SEC24D: variants seen among roughly 807,000 people sequenced by gnomAD.
SEC24D encodes the protein protein transport protein Sec24D.
Under a neutral mutation model 116.9 loss-of-function variants are expected in SEC24D, and 69 were observed. The observed-to-expected ratio is 0.59, with a 90% CI of 0.49 to 0.72. SEC24D has a LOEUF of 0.72. Among genes scored for constraint, SEC24D ranks in the 30% least tolerant of loss-of-function variants. The pLI is 0.00. For missense variants in SEC24D, 1,131 were observed against 1,264.1 expected (o/e 0.89, Z 1.60); for synonymous variants, 405 against 442.8 (o/e 0.91, Z 1.07).
intron 6 of SEC24D, among the ~76,000 whole-genome samples, chr4:118,809,102 T>A (rs1409434782): frequency 6.6e-6 from 1 of 151,982 alleles, no homozygotes; most frequent in Non-Finnish European, 1.5e-5. Flanking sequence ...GCCTCCCGAG[T>A]AGCTGGGACT....
intron 6 of SEC24D, among the ~76,000 whole-genome samples, chr4:118,812,609 C>CGGA (rs138616928): frequency 0.044 from 6,626 of 152,122 alleles, 195 homozygotes; most frequent in Non-Finnish European, 0.063. Flanking sequence ...CCGGGGCAGT[C>CGGA]GGAGACCCAG....
intron 11 of SEC24D, 137 bp from the exon 12 acceptor site, chr4:118,753,025 C>G (rs1016767970): frequency 3.2e-6 from 2 of 622,812 alleles, no homozygotes; most frequent in Admixed American, 3.8e-5. Context: ...CTTTCTGTTA[C>G]CAAGTGTAAA....
intron 13 of SEC24D, among the ~76,000 whole-genome samples, chr4:118,750,934 A>G (rs1025678662): frequency 9.2e-5 from 14 of 152,110 alleles, no homozygotes; most frequent in Non-Finnish European, 1.9e-4. Context: ...CCAAGCAAGA[A>G]TCACTGTCTT....
chr4:118,783,079 C>T (rs1379973537), intron 8 of SEC24D, among the ~76,000 whole-genome samples: 1 of 152,232 alleles, frequency 6.6e-6, no homozygotes, highest in Non-Finnish European at 1.5e-5. Context: ...CGACGCCCCG[C>T]CCTGCTTTGG....
At chr4:118,781,126 C>T (rs1218263221) in intron 8 of SEC24D, among the ~76,000 whole-genome samples, 2 of 151,924 alleles carry the variant, frequency 1.3e-5, no homozygotes, top group African/African-American at 2.4e-5. Flanking sequence ...TTCATCCTGA[C>T]GTTATGATGT....
At chr4:118,829,712 T>C (rs1366371068) in intron 2 of SEC24D, among the ~76,000 whole-genome samples, 1 of 151,882 alleles carries the variant, frequency 6.6e-6, no homozygotes, top group Non-Finnish European at 1.5e-5. Context: ...CTCAGGAGGC[T>C]GAGGCAGGAA....
chr4:118,817,996 C>G (rs1730224467), intron 3 of SEC24D, among the ~76,000 whole-genome samples: 1 of 151,658 alleles, frequency 6.6e-6, no homozygotes, highest in Admixed American at 6.6e-5. Flanking sequence ...GAGACTGCAC[C>G]ACTGCACTCT....
intron 8 of SEC24D, among the ~76,000 whole-genome samples, chr4:118,784,469 A>C (rs977883079): frequency 1.3e-5 from 2 of 152,200 alleles, no homozygotes; most frequent in Non-Finnish European, 2.9e-5. Flanking sequence ...AGTAAACCCC[A>C]AAAAACTTAA....
intron 7 of SEC24D, among the ~76,000 whole-genome samples, chr4:118,800,194 A>C (rs1311573869): frequency 6.6e-6 from 1 of 152,178 alleles, no homozygotes; most frequent in African/African-American, 2.4e-5. Context: ...AAAGCAGCTA[A>C]AAGAAAGATG....
chr4:118,793,291 C>T (rs931801076), intron 8 of SEC24D, among the ~76,000 whole-genome samples: 52 of 151,568 alleles, frequency 3.4e-4, no homozygotes, highest in African/African-American at 1.3e-3. Context: ...AACGGTGAAA[C>T]CCCGTCTCTA....
intron 3 of SEC24D, among the ~76,000 whole-genome samples, chr4:118,822,792 C>A (rs141041093): frequency 3.6e-4 from 54 of 151,828 alleles, no homozygotes; most frequent in African/African-American, 1.3e-3. Context: ...CAGGCTGTCT[C>A]GAACTCCTGG....
Position 118,739,201 on chromosome 4 carries a change from A to T in SEC24D, c.2325T>A (p.Asp775Glu), listed in dbSNP as rs1726112402. ...LGLNCSSQLA[D>E]LYKSCETDAL... ...CATCTGTCTCACAGCTCTTATAAAG[A>T]TCAGCTAGCTGAGAGCTGCAGTTTA... The change falls in exon 18 of 23, where the codon GAT becomes GAA. Residue 775 changes from aspartate to glutamate, a missense_variant. By Grantham distance (45) the Asp-to-Glu change is conservative. Transcript: ENST00000280551. 2.5e-6 allele frequency: 4 copies of T among 1,613,668 alleles called. No individual in the cohort carries two copies. Among genetic ancestry groups the T allele is most frequent in the Non-Finnish European group, 3.4e-6 (4 of 1,179,640 alleles).
chr4:118,777,703 T>C (rs1270933490), intron 8 of SEC24D, among the ~76,000 whole-genome samples: 3 of 152,232 alleles, frequency 2.0e-5, no homozygotes, highest in African/African-American at 4.8e-5. Flanking sequence ...TCCACAATGG[T>C]TGAACTAGTT....
intron 22 of SEC24D, among the ~76,000 whole-genome samples, chr4:118,724,454 A>T (rs1476077347): frequency 1.3e-5 from 2 of 152,222 alleles, no homozygotes; most frequent in Non-Finnish European, 2.9e-5. Context: ...CTAGAAAAAA[A>T]TAGATTTCTA....
At chr4:118,725,604 C>T (rs541948833) in intron 22 of SEC24D, among the ~76,000 whole-genome samples, 3 of 151,794 alleles carry the variant, frequency 2.0e-5, no homozygotes, top group Non-Finnish European at 4.4e-5. Flanking sequence ...TCTATTGCTG[C>T]CATTCACTTG....
chr4:118,771,716 C>T (rs951920609), intron 8 of SEC24D, among the ~76,000 whole-genome samples: 1 of 152,106 alleles, frequency 6.6e-6, no homozygotes, highest in African/African-American at 2.4e-5. Flanking sequence ...AAGCAGACAT[C>T]AAGATGTATC....
intron 8 of SEC24D, among the ~76,000 whole-genome samples, chr4:118,776,275 T>C (rs986999577): frequency 1.3e-5 from 2 of 152,118 alleles, no homozygotes; most frequent in African/African-American, 4.8e-5. Context: ...ATAACTATAC[T>C]AGGAGATTCG....
At chr4:118,804,557 T>C (rs189346775) in intron 7 of SEC24D, among the ~76,000 whole-genome samples, 20 of 151,716 alleles carry the variant, frequency 1.3e-4, no homozygotes, top group African/African-American at 4.8e-4. Flanking sequence ...TGAAATGAAA[T>C]TGCCACCTTT....
At chr4:118,760,886 T>A (rs1021843389) in intron 10 of SEC24D, among the ~76,000 whole-genome samples, 9 of 148,552 alleles carry the variant, frequency 6.1e-5, no homozygotes, top group East Asian at 2.0e-4. Flanking sequence ...TTTTTTTTTT[T>A]ATTTTTATTT....
Sources: allele counts gnomAD v4.1 joint callset (sites outside exome capture counted in the v4.1 genomes callset), GRCh38; gene constraint gnomAD v4.1.1; transcripts MANE v1.5; gene names NCBI Gene and HGNC (gene_info 2026-07-23, HGNC 2026-07-21).